DLG5: variants seen among roughly 807,000 people sequenced by gnomAD.
The protein encoded by DLG5 is disks large homolog 5.
A neutral mutation model predicts 189.8 loss-of-function variants in DLG5; 48 were observed. That is an observed-to-expected ratio of 0.25 (90% confidence interval 0.20 to 0.32). The LOEUF is 0.32. Ranked by LOEUF, DLG5 falls within the 10% of genes least tolerant of loss-of-function variation. DLG5 has a pLI of 1.00. For missense variants in DLG5, 2,160 were observed against 2,544.7 expected, an observed-to-expected ratio of 0.85 and a Z score of 3.25; for synonymous variants, 1,016 against 1,054.1, an observed-to-expected ratio of 0.96 and a Z score of 0.70.
At chr10:77,924,398 G>A (rs941413384) in intron 1 of DLG5, among the ~76,000 whole-genome samples, 6 of 152,052 alleles carry the variant, frequency 3.9e-5, no homozygotes, top group African/African-American at 1.4e-4. Flanking sequence ...CACCAGACAC[G>A]GAAAGGGTGA....
At chr10:77,921,740 C>T (rs990374545) in intron 1 of DLG5, among the ~76,000 whole-genome samples, 2 of 152,236 alleles carry the variant, frequency 1.3e-5, no homozygotes, top group Non-Finnish European at 2.9e-5. Flanking sequence ...CTCTCCTCGG[C>T]TTCTCCAGCG....
At chr10:77,868,861 G>T in intron 2 of DLG5, 1 of 488,788 alleles carries the variant, frequency 2.0e-6, no homozygotes, top group South Asian at 2.2e-5. Context: ...GGGATGGTGG[G>T]TCAACAGGCT....
intron 5 of DLG5, among the ~76,000 whole-genome samples, chr10:77,850,882 C>A (rs1030945160): frequency 1.3e-5 from 2 of 152,192 alleles, no homozygotes; most frequent in African/African-American, 2.4e-5. Flanking sequence ...TCCCTTGGAC[C>A]GAGGTGGAGC....
rs1179521340 is a variant in DLG5, at chr10:77,817,838, G to A, written c.3723C>T (p.Ser1241=). 14 of 1,554,830 alleles carry A rather than the reference G, an allele frequency of 9.0e-6. No homozygotes were observed. Among genetic ancestry groups the A allele is most frequent in the African/African-American group, 1.4e-5 (1 of 73,394 alleles). Residue 1241 remains serine, a synonymous_variant, in exon 18 of 32, where the codon AGC becomes AGT. Coordinates refer to ENST00000372391, the MANE Select transcript of DLG5 (RefSeq NM_004747.4). ...LSLDLSHRTC[S]DYSEMRATHG... is the part of the protein sequence containing the mutation. Reference sequence around the variant, plus strand: ...GGGTGGCTCTCATCTCGGAGTAGTCGCTGCAGGTCCTGTGGCTCAGGTCCA... The same window carrying A: ...GGGTGGCTCTCATCTCGGAGTAGTCACTGCAGGTCCTGTGGCTCAGGTCCA...
At chr10:77,916,094 C>A (rs951552551) in intron 1 of DLG5, among the ~76,000 whole-genome samples, 4 of 152,070 alleles carry the variant, frequency 2.6e-5, no homozygotes, top group Non-Finnish European at 5.9e-5. Context: ...GTGGCACACG[C>A]CTGTAGTACC....
chr10:77,816,357 T>C (rs12241720), intron 20 of DLG5, among the ~76,000 whole-genome samples, 194 bp downstream of exon 20: 5,226 of 152,322 alleles, frequency 0.034, 300 homozygotes, highest in African/African-American at 0.12. Context: ...GCTCCCTGCC[T>C]TGCCATCCAC....
At chr10:77,827,687 C>T (rs1203374650) in intron 13 of DLG5, among the ~76,000 whole-genome samples, 1 of 152,106 alleles carries the variant, frequency 6.6e-6, no homozygotes, top group Admixed American at 6.6e-5. Context: ...CAATTGCAGA[C>T]CCTGAAAACA....
At chr10:77,917,734 T>C (rs188095938) in intron 1 of DLG5, among the ~76,000 whole-genome samples, 31 of 152,268 alleles carry the variant, frequency 2.0e-4, no homozygotes, top group African/African-American at 7.2e-4. Flanking sequence ...AGTGTACAAA[T>C]ACTTAATGCT....
At position 77,828,436 on chromosome 10, in the gene DLG5, G is replaced by A. The variant is rs531808300; in HGVS notation, c.2289+446C>T. On this transcript the variant is annotated intron_variant, in intron 13 of 31. Coordinates refer to ENST00000372391, the MANE Select transcript of DLG5 (RefSeq NM_004747.4). ...CGAAAGTCAGAGGTTGCAGTGAGCC[G>A]GGATTGCGCCACTGCGTTCTAACCT... 4.1e-5 allele frequency among the ~76,000 whole-genome samples: 6 copies of A among 145,140 alleles called. No homozygotes were observed. In the East Asian group the frequency reaches 6.5e-4, roughly 16 times the overall value.
In DLG5 at chr10:77,908,217, A is replaced by AT. The variant is rs1454551309; in HGVS notation, c.304+17999dup. On this transcript the variant is annotated intron_variant, in intron 1 of 31. Coordinates refer to ENST00000372391, the MANE Select transcript of DLG5 (RefSeq NM_004747.4). The stretch of plus-strand genomic sequence containing the variant: ...GGACACACCAACTCTATTTCCAAAC[A>AT]TCCCCACTGTAACTCTCAGAGTTGA... Among the ~76,000 whole-genome samples, 5 of 152,252 alleles carry AT rather than the reference A, an allele frequency of 3.3e-5. No individual in the cohort carries two copies. In the East Asian group the frequency reaches 9.7e-4, roughly 29 times the overall value.
At chr10:77,822,254 G>GA (rs1311345865) in intron 14 of DLG5, among the ~76,000 whole-genome samples, 153 bp from the exon 15 acceptor site, 1 of 152,174 alleles carries the variant, frequency 6.6e-6, no homozygotes, top group Non-Finnish European at 1.5e-5. Flanking sequence ...ACACACACAT[G>GA]AACACATATG....
chr10:77,848,519 CAT>C (rs1238790512), intron 5 of DLG5, among the ~76,000 whole-genome samples: 5 of 151,930 alleles, frequency 3.3e-5, no homozygotes, highest in Non-Finnish European at 5.9e-5. Context: ...AACTTCAAAA[CAT>C]GTGTGCAAAA....
At chr10:77,922,913 G>A (rs762915881) in intron 1 of DLG5, among the ~76,000 whole-genome samples, 1 of 152,332 alleles carries the variant, frequency 6.6e-6, no homozygotes, top group East Asian at 1.9e-4. Flanking sequence ...GAGTTGCCCC[G>A]ATGGGTTGGG....
At chr10:77,849,252 G>A (rs1843843120) in intron 5 of DLG5, among the ~76,000 whole-genome samples, 1 of 152,230 alleles carries the variant, frequency 6.6e-6, no homozygotes, top group African/African-American at 2.4e-5. Flanking sequence ...CCCTGCAAGG[G>A]CCTCTTCAAG....
intron 15 of DLG5, chr10:77,820,535 G>C (rs115268487): frequency 2.2e-3 from 366 of 166,958 alleles, no homozygotes; most frequent in African/African-American, 8.1e-3. Flanking sequence ...CACAGAGAAT[G>C]AATCTTTCAC....
chr10:77,907,547 C>T (rs749111984), intron 1 of DLG5, among the ~76,000 whole-genome samples: 1 of 152,156 alleles, frequency 6.6e-6, no homozygotes, highest in Non-Finnish European at 1.5e-5. Context: ...CCACTGCACT[C>T]CAGCCTGGGC....
intron 1 of DLG5, among the ~76,000 whole-genome samples, chr10:77,900,907 C>T (rs924204190): frequency 6.6e-6 from 1 of 151,950 alleles, no homozygotes; most frequent in African/African-American, 2.4e-5. Flanking sequence ...TGTACTCCAC[C>T]CTGGGTGACA....
At position 77,827,899 on chromosome 10, in the gene DLG5, A is replaced by G. The variant is rs1337506652; in HGVS notation, c.2289+983T>C. On this transcript the variant is annotated intron_variant, in intron 13 of 31. Transcript: ENST00000372391. The stretch of plus-strand genomic sequence containing the variant: ...GGTATATATAGATTTGTAGGGGCAC[A>G]TATGGTTTGGGCTGAGTGCTTATCT... Among the ~76,000 whole-genome samples the G allele has an allele frequency of 2.0e-5, 3 of 152,136 alleles. No homozygotes were observed. In the East Asian group the frequency reaches 5.8e-4, roughly 29 times the overall value.
upstream of DLG5, chr10:77,927,079 C>G: frequency 5.1e-6 from 1 of 196,966 alleles, no homozygotes; most frequent in South Asian, 8.3e-5. Context: ...CCCGCTCCCC[C>G]GTGGCCACAG....
Sources: gnomAD v4.1 joint callset for allele counts (sites outside exome capture counted in the v4.1 genomes callset) on GRCh38, gnomAD v4.1.1 for gene constraint, MANE v1.5 for transcripts, NCBI Gene and HGNC (gene_info 2026-07-23, HGNC 2026-07-21) for gene names.